PLCB1: variants seen among roughly 807,000 people sequenced by gnomAD.
PLCB1 encodes the protein phospholipase C beta 1.
PLCB1 carries 46 observed loss-of-function variants against 161.8 expected under a neutral mutation model. That is an observed-to-expected ratio of 0.28 (90% CI 0.22 to 0.36). The LOEUF (loss-of-function observed/expected upper bound fraction) is 0.36, where lower values mean the gene tolerates loss of function less well. Ranked by LOEUF, PLCB1 falls within the 10% of genes least tolerant of loss-of-function variation. The pLI, the probability that PLCB1 is intolerant of heterozygous loss-of-function variation, is 1.00. For missense variants in PLCB1, 1,016 were observed against 1,472.5 expected (o/e 0.69, Z 5.07); for synonymous variants, 517 against 503.7 (o/e 1.03, Z -0.35).
At chr20:8,205,095 C>T (rs73895601) in intron 2 of PLCB1, among the ~76,000 whole-genome samples, 2,263 of 151,680 alleles carry the variant, frequency 0.015, 51 homozygotes, top group African/African-American at 0.051. Flanking sequence ...CATAATAATC[C>T]GAAAAGACAG....
intron 3 of PLCB1, among the ~76,000 whole-genome samples, chr20:8,545,421 C>G (rs530333796): frequency 5.0e-4 from 76 of 152,236 alleles, no homozygotes; most frequent in Middle Eastern, 3.4e-3. Context: ...GCAGAAGCGT[C>G]GTATGACTCA....
intron 3 of PLCB1, among the ~76,000 whole-genome samples, chr20:8,473,361 C>T (rs926380615): frequency 6.6e-6 from 1 of 152,068 alleles, no homozygotes; most frequent in Non-Finnish European, 1.5e-5. Flanking sequence ...ATTAATATAT[C>T]CACATGTTAA....
chr20:8,689,513 G>A (rs755846359), intron 10 of PLCB1, among the ~76,000 whole-genome samples: 2 of 152,064 alleles, frequency 1.3e-5, no homozygotes, highest in Non-Finnish European at 2.9e-5. Context: ...ATTAAGGTGT[G>A]TCCCTTGTAT....
At position 8,443,022 on chromosome 20, in the gene PLCB1, C is replaced by T. The variant is rs139392923; in HGVS notation, c.246+71572C>T. ...TGAGATGGAGTCTCGTCCTGTTGCC[C>T]AGGCTGGAGTGCAGTGGCACGATCT... On this transcript the variant is annotated intron_variant, in intron 3 of 31. Transcript: ENST00000338037. Among the ~76,000 whole-genome samples, 699 of 151,456 alleles carry T rather than the reference C, an allele frequency of 4.6e-3. 7 individuals carry two copies. The highest frequency in any genetic ancestry group is 0.016 in the African/African-American group (668 of 41,244).
At chr20:8,152,961 C>T (rs2051524791) in intron 2 of PLCB1, among the ~76,000 whole-genome samples, 1 of 152,136 alleles carries the variant, frequency 6.6e-6, no homozygotes, top group Non-Finnish European at 1.5e-5. Flanking sequence ...CTTGTCATGG[C>T]TACATCAGAT....
At chr20:8,358,397 C>T (rs531760135) in intron 2 of PLCB1, among the ~76,000 whole-genome samples, 2 of 152,182 alleles carry the variant, frequency 1.3e-5, no homozygotes, top group East Asian at 3.9e-4. Flanking sequence ...TCCAGGCACC[C>T]TCCAACATGC....
chr20:8,204,576 C>A (rs1249384728), intron 2 of PLCB1, among the ~76,000 whole-genome samples: 1 of 151,972 alleles, frequency 6.6e-6, no homozygotes, highest in Non-Finnish European at 1.5e-5. Flanking sequence ...TCCTTCCACC[C>A]AACCTTGCTC....
At chr20:8,655,608 A>G (rs1989436794) in intron 7 of PLCB1, among the ~76,000 whole-genome samples, 1 of 152,070 alleles carries the variant, frequency 6.6e-6, no homozygotes, top group Admixed American at 6.6e-5. Flanking sequence ...AAGGATGACA[A>G]TTATTGCTAT....
chr20:8,159,819 C>A (rs1042011163), intron 2 of PLCB1, among the ~76,000 whole-genome samples: 2 of 151,640 alleles, frequency 1.3e-5, no homozygotes, highest in African/African-American at 2.4e-5. Context: ...GAAACCCCAT[C>A]TCTACTAAAA....
Position 8,247,181 on chromosome 20 carries a change from T to A in PLCB1, c.177+96810T>A, listed in dbSNP as rs560386747. 8.9e-4 allele frequency among the ~76,000 whole-genome samples: 135 copies of A among 152,066 alleles called. 1 individual carries two copies. The highest frequency in any genetic ancestry group is 3.2e-3 in the African/African-American group (132 of 41,532). The stretch of plus-strand genomic sequence containing the variant: ...TGCCCTATTGTGCCAAGAAAAGACA[T>A]TTATCAGATGAGTAAACTGAGGCAT... On this transcript the variant is annotated intron_variant, in intron 2 of 31. Transcript: ENST00000338037.
In PLCB1 at chr20:8,452,825, A is replaced by T. The variant is rs181437282; in HGVS notation, c.246+81375A>T. Among the ~76,000 whole-genome samples the T allele has an allele frequency of 1.7e-4, 26 of 152,312 alleles. No individual in the cohort carries two copies. The East Asian group carries it at 5.0e-3, about 29-fold the overall frequency. ...CTGGTAGGAACACTGTGAGTAAACA[A>T]CTGTAGGACTTTGGGAGGGATTGTG... On this transcript the variant is annotated intron_variant, in intron 3 of 31. Transcript: ENST00000338037.
At chr20:8,582,745 T>A (rs1047510243) in intron 3 of PLCB1, among the ~76,000 whole-genome samples, 10 of 152,130 alleles carry the variant, frequency 6.6e-5, no homozygotes, top group African/African-American at 2.2e-4. Context: ...CCCAGAACTT[T>A]GGGAGGCCAA....
Position 8,789,477 on chromosome 20 carries a change from G to A in PLCB1, c.3279-41G>A, listed in dbSNP as rs766232184. Reference sequence around the variant, plus strand: ...TCTGAGATTACCATTTGTCAATTCTGGATGAATTGGTATAATGATGTATTC... The same window carrying A: ...TCTGAGATTACCATTTGTCAATTCTAGATGAATTGGTATAATGATGTATTC... On this transcript the variant is annotated intron_variant, in intron 29 of 31. Coordinates refer to ENST00000338037, the MANE Select transcript of PLCB1 (RefSeq NM_015192.4). The A allele has an allele frequency of 3.1e-6, 4 of 1,285,740 alleles. No individual in the cohort carries two copies. In the Admixed American group the frequency reaches 5.1e-5, roughly 16 times the overall value. The allele number at this position is 1,285,740 out of a possible 1,614,324, so 79.6% of individuals were successfully genotyped here. A position where few individuals can be genotyped will look rare whatever the true frequency, so the allele number is the denominator to read the frequency against.
At chr20:8,140,687 T>C (rs1187846846) in intron 1 of PLCB1, among the ~76,000 whole-genome samples, 3 of 152,218 alleles carry the variant, frequency 2.0e-5, no homozygotes, top group Admixed American at 6.5e-5. Context: ...AGATCTGGAA[T>C]AGGAATTTAA....
intron 3 of PLCB1, among the ~76,000 whole-genome samples, chr20:8,568,916 G>A (rs1282963126): frequency 2.0e-5 from 3 of 152,222 alleles, no homozygotes; most frequent in Non-Finnish European, 4.4e-5. Flanking sequence ...GAGTTAACAA[G>A]CAGGTTACTA....
At chr20:8,630,636 C>T (rs1256977204) in intron 4 of PLCB1, among the ~76,000 whole-genome samples, 3 of 152,124 alleles carry the variant, frequency 2.0e-5, no homozygotes, top group African/African-American at 7.2e-5. Context: ...AAAACAGATT[C>T]TAAGTGTTTG....
intron 2 of PLCB1, among the ~76,000 whole-genome samples, chr20:8,334,111 A>T (rs2122201976): frequency 6.6e-6 from 1 of 152,210 alleles, no homozygotes; most frequent in African/African-American, 2.4e-5. Context: ...TGGGAGGCTG[A>T]GGCAGGAGAA....
intron 3 of PLCB1, among the ~76,000 whole-genome samples, chr20:8,568,963 G>A (rs1246936979): frequency 6.6e-6 from 1 of 152,176 alleles, no homozygotes. Context: ...CTGGAGTATT[G>A]GGGATGAGAG....
At chr20:8,198,893 A>T (rs2052058147) in intron 2 of PLCB1, among the ~76,000 whole-genome samples, 2 of 151,940 alleles carry the variant, frequency 1.3e-5, no homozygotes, top group Admixed American at 6.6e-5. Flanking sequence ...AAATGATGGA[A>T]AGTGTGAAGG....
Sources: allele counts gnomAD v4.1 joint callset (sites outside exome capture counted in the v4.1 genomes callset), GRCh38; gene constraint gnomAD v4.1.1; transcripts MANE v1.5; gene names NCBI Gene and HGNC (gene_info 2026-07-23, HGNC 2026-07-21).